ATP11A: variants seen among roughly 807,000 people sequenced by gnomAD.
The protein encoded by ATP11A is ATPase phospholipid transporting 11A, also known as phospholipid-transporting ATPase IH.
A neutral mutation model predicts 154.4 loss-of-function variants in ATP11A; 81 were observed. That is an observed-to-expected ratio of 0.52 (90% CI 0.44 to 0.63). The LOEUF is 0.63. Ranked by LOEUF, ATP11A falls within the 30% of genes least tolerant of loss-of-function variation. The pLI is 0.00. For synonymous variants in ATP11A, 623 were observed against 585.9 expected (o/e 1.06, Z -0.91); for missense variants, 1,316 against 1,474.3 (o/e 0.89, Z 1.76).
intron 1 of ATP11A, among the ~76,000 whole-genome samples, chr13:112,772,712 G>A (rs745006): frequency 1.3e-3 from 196 of 152,324 alleles, no homozygotes; most frequent in East Asian, 9.7e-3. Context: ...AGATTTGCCC[G>A]TGTGGACGCT....
Position 112,713,129 on chromosome 13 carries a change from G to A in ATP11A, c.39+22674G>A, listed in dbSNP as rs138909600. ...AAAACATGGAGGGCTGGGCACGGTG[G>A]CTCACACCTGGAATCCCAGCACTTT... is the stretch of plus-strand genomic sequence containing the variant. On this transcript the variant is annotated intron_variant, in intron 1 of 29. Coordinates refer to ENST00000375645, the MANE Select transcript of ATP11A (RefSeq NM_015205.3). Among the ~76,000 whole-genome samples the A allele has an allele frequency of 7.7e-3, 1,168 of 152,332 alleles. 13 individuals are homozygous for A. Among genetic ancestry groups the A allele is most frequent in the East Asian group, 0.031 (162 of 5,192 alleles).
chr13:112,745,483 G>A (rs746927949), intron 1 of ATP11A: 1 of 152,238 alleles, frequency 6.6e-6, no homozygotes. Context: ...TGGTAATAAT[G>A]TGAATGTTTA....
chr13:112,751,649 C>T (rs946817736), intron 1 of ATP11A, among the ~76,000 whole-genome samples: 2 of 151,862 alleles, frequency 1.3e-5, no homozygotes, highest in South Asian at 2.1e-4. Flanking sequence ...GACAGTGAGG[C>T]TCCATCTCAA....
At chr13:112,877,231 C>T (rs377547297) in intron 28 of ATP11A, among the ~76,000 whole-genome samples, 29 of 152,284 alleles carry the variant, frequency 1.9e-4, no homozygotes, top group East Asian at 1.4e-3. Context: ...GAGCAGGAGC[C>T]GGGGCCCTGG....
chr13:112,828,377 A>G (rs552413917), intron 12 of ATP11A, among the ~76,000 whole-genome samples: 112 of 137,820 alleles, frequency 8.1e-4, no homozygotes, highest in Middle Eastern at 8.5e-3. Context: ...GTAGGAGGGA[A>G]AGTGCCCAGT....
At chr13:112,779,796 T>C (rs1436789729) in intron 1 of ATP11A, among the ~76,000 whole-genome samples, 2 of 152,064 alleles carry the variant, frequency 1.3e-5, no homozygotes, top group African/African-American at 2.4e-5. Flanking sequence ...TCCCACCTAC[T>C]AGGGAGGCTG....
intron 2 of ATP11A, among the ~76,000 whole-genome samples, chr13:112,791,678 C>T (rs1189961903): frequency 6.6e-6 from 1 of 152,190 alleles, no homozygotes; most frequent in Non-Finnish European, 1.5e-5. Context: ...AGGCAGTGGC[C>T]TCGGTGGCTT....
At chr13:112,719,365 T>C (rs1215096580) in intron 1 of ATP11A, among the ~76,000 whole-genome samples, 2 of 152,250 alleles carry the variant, frequency 1.3e-5, no homozygotes, top group Non-Finnish European at 2.9e-5. Context: ...CAATCTTCTG[T>C]TCATGACTTT....
chr13:112,732,096 C>G (rs572590871), intron 1 of ATP11A, among the ~76,000 whole-genome samples: 1 of 152,080 alleles, frequency 6.6e-6, no homozygotes, highest in Non-Finnish European at 1.5e-5. Context: ...TCGGTCCTGT[C>G]GGGAAGTTGG....
At chr13:112,698,292 G>C (rs1235356913) in intron 1 of ATP11A, among the ~76,000 whole-genome samples, 1 of 152,156 alleles carries the variant, frequency 6.6e-6, no homozygotes, top group African/African-American at 2.4e-5. Context: ...TCACTGCTGC[G>C]TCGAAGCCTG....
chr13:112,816,303 G>GA, intron 6 of ATP11A, 92 bp downstream of exon 6: 1 of 1,536,678 alleles, frequency 6.5e-7, no homozygotes, highest in Non-Finnish European at 8.9e-7. Context: ...CATCCTGTTT[G>GA]AAAAGTCACC....
intron 5 of ATP11A, among the ~76,000 whole-genome samples, chr13:112,812,892 T>C (rs2078541964): frequency 6.6e-6 from 1 of 152,230 alleles, no homozygotes; most frequent in Non-Finnish European, 1.5e-5. Context: ...TCCCAGGCCT[T>C]CAACGCCATT....
chr13:112,829,217 T>C (rs1390081936), intron 12 of ATP11A, among the ~76,000 whole-genome samples: 1 of 152,168 alleles, frequency 6.6e-6, no homozygotes, highest in East Asian at 1.9e-4. Flanking sequence ...CTTTTGTTCC[T>C]AGAGCTGAGG....
Position 112,775,097 on chromosome 13 carries a change from C to G in ATP11A, c.40-10038C>G, listed in dbSNP as rs536833214. ...GTTGCCCGCAGGGGCCTTGCTTGCA[C>G]TGGCTTAGAGAGCTAACAGCGTTTG... On this transcript the variant is annotated intron_variant, in intron 1 of 29. Transcript: ENST00000375645. 4.6e-5 allele frequency among the ~76,000 whole-genome samples: 7 copies of G among 152,392 alleles called. No homozygotes were observed. In the South Asian group the frequency reaches 8.3e-4, roughly 18 times the overall value.
rs2079289220 is a variant in ATP11A at position 112,838,081 on chromosome 13, C to T, written c.1705+1830C>T. Among the ~76,000 whole-genome samples, 1 of 152,176 alleles carries T rather than the reference C, an allele frequency of 6.6e-6. No individual in the cohort carries two copies. The highest frequency in any genetic ancestry group is 2.4e-5 in the African/African-American group (1 of 41,450). ...TGATGGTCATAGGATGAGGAACAAT[C>T]TGTGTGTGAATGTTGCCAGGACTCC... is the stretch of plus-strand genomic sequence containing the variant. On this transcript the variant is annotated intron_variant, in intron 16 of 29. Transcript: ENST00000375645. This position sits in a 1 kb window ranked among gnomAD's most constrained non-coding sequence, Gnocchi z 7.3.
At chr13:112,864,078 A>G (rs71446925) in intron 25 of ATP11A, among the ~76,000 whole-genome samples, 1 of 79,800 alleles carries the variant, frequency 1.3e-5, no homozygotes, top group African/African-American at 4.8e-5. Flanking sequence ...AGTGCAGGCC[A>G]TGCAGCTTCT....
At position 112,819,355 on chromosome 13, in the gene ATP11A, G is replaced by T. The variant is rs373144961; in HGVS notation, c.622G>T (p.Gly208Cys). The T allele has an allele frequency of 4.3e-6, 7 of 1,614,180 alleles. No homozygotes were observed. The highest frequency in any genetic ancestry group is 3.3e-5 in the Admixed American group (2 of 60,018). Residue 208 changes from glycine (G) to cysteine (C), a missense_variant, in exon 7 of 30, where the codon GGC (glycine) becomes TGC (cysteine). By Grantham distance (159) the Gly-to-Cys change is radical (BLOSUM62 -3). This residue lies in a region of ATP11A where 876 missense variants were observed against 1,006.8 expected (regional missense o/e 0.87). Coordinates refer to ENST00000375645, the MANE Select transcript of ATP11A (RefSeq NM_015205.3). ...TKGFHTEEDI[G>C]GLHATIECEQ... ...AGGCTTCCACACAGAGGAGGATATCGGCGGACTTCACGCCACCATCGAGTG... is the reference window on the plus strand; with the variant it reads ...AGGCTTCCACACAGAGGAGGATATCTGCGGACTTCACGCCACCATCGAGTG...
chr13:112,833,149 C>G, intron 14 of ATP11A, 126 bp downstream of exon 14: 9 of 1,234,704 alleles, frequency 7.3e-6, no homozygotes, highest in Non-Finnish European at 1.0e-5. Context: ...CTGAGCTGTG[C>G]TGCCTTTGCA....
intron 1 of ATP11A, among the ~76,000 whole-genome samples, chr13:112,773,394 G>A (rs779426155): frequency 2.6e-5 from 4 of 152,228 alleles, no homozygotes; most frequent in South Asian, 2.1e-4. Context: ...TCTCTGTATC[G>A]ACCAAACCCA....
Sources: allele counts gnomAD v4.1 joint callset (sites outside exome capture counted in the v4.1 genomes callset), GRCh38; gene constraint gnomAD v4.1.1; regional missense constraint gnomAD v4.1.1; non-coding constraint Gnocchi (gnomAD v3.1); transcripts MANE v1.5; gene names NCBI Gene and HGNC (gene_info 2026-07-23, HGNC 2026-07-21).